GALNTL6: variants seen among roughly 807,000 people sequenced by gnomAD.
GALNTL6 encodes polypeptide N-acetylgalactosaminyltransferase like 6, also known as polypeptide N-acetylgalactosaminyltransferase-like 6.
A neutral mutation model predicts 73.7 loss-of-function variants in GALNTL6; 46 were observed. The observed-to-expected ratio is 0.62, with a 90% CI of 0.49 to 0.80. GALNTL6 has a LOEUF of 0.80. GALNTL6 is among the 30% of genes least tolerant of loss of function. GALNTL6 has a pLI of 0.00. For synonymous variants in GALNTL6, 259 were observed against 263.7 expected (o/e 0.98, Z 0.17); for missense variants, 604 against 755.0 (o/e 0.80, Z 2.34).
chr4:171,883,479 G>A (rs544036353), intron 2 of GALNTL6, among the ~76,000 whole-genome samples: 39 of 152,070 alleles, frequency 2.6e-4, no homozygotes, highest in African/African-American at 9.2e-4. Context: ...TTATTTGTGC[G>A]ATTTGCCTGC....
At chr4:172,434,596 C>T (rs1051346877) in intron 5 of GALNTL6, among the ~76,000 whole-genome samples, 10 of 151,926 alleles carry the variant, frequency 6.6e-5, no homozygotes, top group East Asian at 1.9e-4. Flanking sequence ...TCTTTATCAC[C>T]GCCTAATTAA....
chr4:171,950,831 G>A lies in GALNTL6; in HGVS notation c.138+136113G>A, dbSNP rs148549167. On this transcript the variant is annotated intron_variant, in intron 2 of 12. Coordinates refer to ENST00000506823, the MANE Select transcript of GALNTL6 (RefSeq NM_001034845.3). ...ACACAAATTATTTTAGACTTGCTGA[G>A]ATGATTACCTATGTTATTATTTCTA... Among the ~76,000 whole-genome samples the A allele has an allele frequency of 8.0e-3, 1,216 of 152,176 alleles. 14 individuals carry two copies. Among genetic ancestry groups the A allele is most frequent in the African/African-American group, 0.027 (1,141 of 41,532 alleles).
At chr4:172,692,592 T>A (rs190098281) in intron 5 of GALNTL6, among the ~76,000 whole-genome samples, 1 of 152,314 alleles carries the variant, frequency 6.6e-6, no homozygotes, top group East Asian at 1.9e-4. Flanking sequence ...GTTCAAATTA[T>A]TTTTTAAACA....
intron 5 of GALNTL6, among the ~76,000 whole-genome samples, chr4:172,662,721 A>C (rs1314232015): frequency 6.6e-6 from 1 of 152,218 alleles, no homozygotes; most frequent in Non-Finnish European, 1.5e-5. Flanking sequence ...GGATTCTGTG[A>C]TGAAATTAGC....
At chr4:172,273,507 T>C (rs1738725983) in intron 3 of GALNTL6, among the ~76,000 whole-genome samples, 1 of 152,072 alleles carries the variant, frequency 6.6e-6, no homozygotes, top group Admixed American at 6.6e-5. Context: ...ACAATAGAAA[T>C]AATAATTAAT....
intron 2 of GALNTL6, among the ~76,000 whole-genome samples, chr4:171,945,318 A>T (rs553306868): frequency 2.0e-5 from 3 of 152,208 alleles, no homozygotes; most frequent in South Asian, 4.1e-4. Flanking sequence ...ATGTCCATTA[A>T]TAGCTACTTG....
intron 5 of GALNTL6, among the ~76,000 whole-genome samples, chr4:172,608,783 T>G (rs1738407264): frequency 6.6e-6 from 1 of 152,216 alleles, no homozygotes; most frequent in Non-Finnish European, 1.5e-5. Flanking sequence ...TCCATTTGTT[T>G]GTGTTGTCTC....
chr4:172,184,802 T>C (rs953262968), intron 2 of GALNTL6, among the ~76,000 whole-genome samples: 8 of 152,122 alleles, frequency 5.3e-5, no homozygotes, highest in African/African-American at 1.4e-4. Context: ...TGTTGAAGAA[T>C]GGCAAAAGGT....
At chr4:171,940,927 TA>T (rs1391409192) in intron 2 of GALNTL6, among the ~76,000 whole-genome samples, 1 of 151,680 alleles carries the variant, frequency 6.6e-6, no homozygotes, top group Non-Finnish European at 1.5e-5. Flanking sequence ...TTATCTCATA[TA>T]ATACAATAAG....
chr4:172,279,199 A>C lies in GALNTL6; in HGVS notation c.248-32415A>C, dbSNP rs566469925. Reference sequence around the variant, plus strand: ...ATGACACCAAAAGCACAGGCAACAAAAGAAAAAAATAGGTAAATTGGACTA... The same window carrying C: ...ATGACACCAAAAGCACAGGCAACAACAGAAAAAAATAGGTAAATTGGACTA... On this transcript the variant is annotated intron_variant, in intron 3 of 12. Coordinates refer to ENST00000506823, the MANE Select transcript of GALNTL6 (RefSeq NM_001034845.3). Among the ~76,000 whole-genome samples, 109 of 152,250 alleles carry C rather than the reference A, an allele frequency of 7.2e-4. 1 individual carries two copies. The highest frequency in any genetic ancestry group is 2.6e-3 in the African/African-American group (108 of 41,556).
chr4:172,523,506 A>G (rs1357553789), intron 5 of GALNTL6, among the ~76,000 whole-genome samples: 2 of 152,062 alleles, frequency 1.3e-5, no homozygotes, highest in African/African-American at 4.8e-5. Context: ...CTGGAACTAC[A>G]GGTGCACACC....
intron 5 of GALNTL6, among the ~76,000 whole-genome samples, chr4:172,391,087 T>C (rs1294347318): frequency 3.9e-5 from 6 of 152,224 alleles, no homozygotes; most frequent in African/African-American, 7.2e-5. Flanking sequence ...TTCAATAAGC[T>C]CAATATCATT....
At chr4:172,454,405 C>T (rs576844140) in intron 5 of GALNTL6, among the ~76,000 whole-genome samples, 1 of 152,240 alleles carries the variant, frequency 6.6e-6, no homozygotes, top group African/African-American at 2.4e-5. Flanking sequence ...CATTATGTCT[C>T]TGTTTCTCAA....
chr4:171,985,899 G>A (rs959794949), intron 2 of GALNTL6, among the ~76,000 whole-genome samples: 2 of 151,580 alleles, frequency 1.3e-5, no homozygotes, highest in South Asian at 4.2e-4. Flanking sequence ...TTAGCCGGGC[G>A]TGGTAGCACA....
intron 10 of GALNTL6, among the ~76,000 whole-genome samples, chr4:173,004,915 C>T (rs917391616): frequency 6.6e-6 from 1 of 152,170 alleles, no homozygotes; most frequent in African/African-American, 2.4e-5. Flanking sequence ...CCACTTCTTA[C>T]TTAAAAGACC....
chr4:172,808,802 A>T (rs1365883073), intron 5 of GALNTL6, among the ~76,000 whole-genome samples: 1 of 152,242 alleles, frequency 6.6e-6, no homozygotes, highest in Non-Finnish European at 1.5e-5. Flanking sequence ...TTTCATCTGC[A>T]GCCAGTCACC....
chr4:171,934,186 G>A (rs1560847765), intron 2 of GALNTL6, among the ~76,000 whole-genome samples: 1 of 152,132 alleles, frequency 6.6e-6, no homozygotes, highest in Non-Finnish European at 1.5e-5. Context: ...CAAGGTAGAT[G>A]AAACTAAGAT....
At chr4:172,233,563 T>C (rs1401069459) in intron 3 of GALNTL6, among the ~76,000 whole-genome samples, 2 of 152,164 alleles carry the variant, frequency 1.3e-5, no homozygotes, top group Non-Finnish European at 2.9e-5. Flanking sequence ...GACTCTATTA[T>C]AAATTAAGTT....
At position 172,813,649 on chromosome 4, in the gene GALNTL6, C is replaced by G; in HGVS notation, c.849C>G (p.Phe283Leu). ...CTGGGGATGCCATGCGAGGAGCCTT[C>G]GACTGGGAAATGTACTACAAAAGAA... ...AQAGDAMRGAFDWEMYYKRIP... is the reference protein window; with the variant it reads ...AQAGDAMRGALDWEMYYKRIP... The change falls in exon 7 of 13, where the codon TTC becomes TTG. Residue 283 changes from phenylalanine to leucine, a missense_variant. Phe to Leu is a conservative substitution (Grantham distance 22). Coordinates refer to ENST00000506823, the MANE Select transcript of GALNTL6 (RefSeq NM_001034845.3). The G allele has an allele frequency of 6.2e-7, 1 of 1,613,390 alleles. No individual in the cohort carries two copies. Among genetic ancestry groups the G allele is most frequent in the South Asian group, 1.1e-5 (1 of 90,986 alleles).
Sources: allele counts gnomAD v4.1 joint callset (sites outside exome capture counted in the v4.1 genomes callset), GRCh38; gene constraint gnomAD v4.1.1; transcripts MANE v1.5; gene names NCBI Gene and HGNC (gene_info 2026-07-23, HGNC 2026-07-21).